Variants in FOXN3 observed in about 807,000 individuals in gnomAD.
The protein encoded by FOXN3 is forkhead box protein N3.
FOXN3 carries 7 observed loss-of-function variants against 38.4 expected under a neutral mutation model. The ratio of observed to expected loss-of-function variants is 0.18; its 90% CI spans 0.10 to 0.34. The LOEUF (loss-of-function observed/expected upper bound fraction) is 0.34, where lower values mean the gene tolerates loss of function less well. Ranked by LOEUF, FOXN3 falls within the 10% of genes least tolerant of loss-of-function variation. The probability of loss-of-function intolerance (pLI) is 1.00; values close to 1 mark genes in which losing one functional copy is unlikely to be tolerated. For synonymous variants in FOXN3, 230 were observed against 242.2 expected, an observed-to-expected ratio of 0.95 and a Z score of 0.47; for missense variants, 456 against 613.4, an observed-to-expected ratio of 0.74 and a Z score of 2.71.
intron 1 of FOXN3, among the ~76,000 whole-genome samples, chr14:89,589,463 T>C (rs994928033): frequency 4.6e-5 from 7 of 152,282 alleles, no homozygotes; most frequent in African/African-American, 1.7e-4. Context: ...CTGGTCGTGG[T>C]AGTCCTCACA....
chr14:89,360,812 C>T (rs1889516694), intron 2 of FOXN3, among the ~76,000 whole-genome samples: 1 of 114,044 alleles, frequency 8.8e-6, no homozygotes, highest in Non-Finnish European at 1.7e-5. Context: ...CCAGCACCAC[C>T]TCCACCACCA....
At chr14:89,248,029 T>C (rs1885347893) in intron 4 of FOXN3, among the ~76,000 whole-genome samples, 2 of 152,234 alleles carry the variant, frequency 1.3e-5, no homozygotes, top group South Asian at 2.1e-4. Flanking sequence ...TCGATATCAA[T>C]TCTTCAAAGG....
intron 4 of FOXN3, among the ~76,000 whole-genome samples, chr14:89,266,001 G>A (rs1340863702): frequency 3.3e-5 from 5 of 152,174 alleles, no homozygotes; most frequent in Admixed American, 2.0e-4. Context: ...GCCCATTACT[G>A]TGGATTTATC....
intron 1 of FOXN3, among the ~76,000 whole-genome samples, chr14:89,498,271 C>T (rs1041110621): frequency 8.0e-6 from 1 of 125,402 alleles, no homozygotes; most frequent in African/African-American, 3.3e-5. Context: ...GGCTGGAGTA[C>T]GGTGGTACGA....
At chr14:89,269,471 T>G (rs1886080403) in intron 4 of FOXN3, among the ~76,000 whole-genome samples, 1 of 151,592 alleles carries the variant, frequency 6.6e-6, no homozygotes, top group Non-Finnish European at 1.5e-5. Context: ...GTCACTTGCT[T>G]TTTGTTTTGT....
chr14:89,380,852 T>C (rs1348654797), intron 2 of FOXN3, among the ~76,000 whole-genome samples: 1 of 151,996 alleles, frequency 6.6e-6, no homozygotes, highest in Non-Finnish European at 1.5e-5. Flanking sequence ...TCAGGCCAGG[T>C]GTGGTCAGGC....
At chr14:89,320,613 AC>A (rs1052671986) in intron 3 of FOXN3, among the ~76,000 whole-genome samples, 11 of 152,176 alleles carry the variant, frequency 7.2e-5, no homozygotes, top group Non-Finnish European at 1.5e-4. Context: ...AGTGAGACAA[AC>A]CCCTCATGGG....
At chr14:89,287,169 T>G (rs1006439579) in intron 3 of FOXN3, among the ~76,000 whole-genome samples, 19 of 150,650 alleles carry the variant, frequency 1.3e-4, no homozygotes, top group African/African-American at 4.8e-4. Flanking sequence ...TGTTTTTGTT[T>G]TTGAGACAGA....
chr14:89,243,961 T>C (rs569101255), intron 4 of FOXN3, among the ~76,000 whole-genome samples: 1 of 152,266 alleles, frequency 6.6e-6, no homozygotes, highest in South Asian at 2.1e-4. Flanking sequence ...ATGAAAACAA[T>C]AGAAAGCTAT....
chr14:89,180,651 T>A (rs1887642205), intron 5 of FOXN3, 50 bp downstream of exon 5: 1 of 1,362,576 alleles, frequency 7.3e-7, no homozygotes, highest in African/African-American at 1.4e-5. Flanking sequence ...GACAGAAAGC[T>A]GCCCTTCCCA....
intron 2 of FOXN3, among the ~76,000 whole-genome samples, chr14:89,383,216 TA>T (rs1313445217): frequency 6.6e-6 from 1 of 152,064 alleles, no homozygotes; most frequent in East Asian, 1.9e-4. Context: ...AATGAGCTTT[TA>T]TCAATGTCTA....
intron 4 of FOXN3, among the ~76,000 whole-genome samples, chr14:89,272,180 C>T (rs1304557206): frequency 6.6e-6 from 1 of 152,092 alleles, no homozygotes; most frequent in Non-Finnish European, 1.5e-5. Flanking sequence ...GGTGTGGTGG[C>T]ACGCGTCTCT....
chr14:89,446,628 T>C (rs374307982), intron 1 of FOXN3, among the ~76,000 whole-genome samples: 2 of 152,252 alleles, frequency 1.3e-5, no homozygotes, highest in Non-Finnish European at 2.9e-5. Context: ...CTACTTCATA[T>C]TGTATGAAAT....
At chr14:89,602,288 C>CAA (rs111592437) in intron 1 of FOXN3, among the ~76,000 whole-genome samples, 1 of 133,694 alleles carries the variant, frequency 7.5e-6, no homozygotes. Context: ...GACTTTGTGT[C>CAA]AAAAAAAAAA....
At chr14:89,304,934 T>C (rs1232681563) in intron 3 of FOXN3, among the ~76,000 whole-genome samples, 1 of 142,998 alleles carries the variant, frequency 7.0e-6, no homozygotes, top group Non-Finnish European at 1.5e-5. Context: ...TGGAATACAG[T>C]GTAGTTTCTT....
intron 5 of FOXN3, among the ~76,000 whole-genome samples, chr14:89,166,045 C>A (rs1379599053): frequency 6.6e-6 from 1 of 152,216 alleles, no homozygotes; most frequent in African/African-American, 2.4e-5. Context: ...AAGTGCTCCA[C>A]AGTGCTGATT....
At chr14:89,168,947 G>A (rs1193529759) in intron 5 of FOXN3, among the ~76,000 whole-genome samples, 2 of 152,152 alleles carry the variant, frequency 1.3e-5, no homozygotes, top group Admixed American at 1.3e-4. Context: ...TCTCAAGAGA[G>A]AAAATAACTG....
At chr14:89,281,163 T>A (rs777203135) in intron 3 of FOXN3, 149 bp from the exon 4 acceptor site, 7 of 673,956 alleles carry the variant, frequency 1.0e-5, no homozygotes, top group Admixed American at 2.3e-5. Flanking sequence ...GAGGTCTGCT[T>A]TATTGTAAAC....
At chr14:89,417,664 T>A, upstream of FOXN3, 1 of 455,496 alleles carries the variant, frequency 2.2e-6, no homozygotes, top group Non-Finnish European at 4.4e-6. Context: ...AAAGTAAAAA[T>A]AAAAAGAATT....
Sources: gnomAD v4.1 joint callset for allele counts (sites outside exome capture counted in the v4.1 genomes callset) on GRCh38, gnomAD v4.1.1 for gene constraint, MANE v1.5 for transcripts, NCBI Gene and HGNC (gene_info 2026-07-23, HGNC 2026-07-21) for gene names.